The following DPF3 variants were observed in gnomAD, a reference collection of about 807,000 sequenced individuals.
DPF3 encodes the protein zinc finger protein DPF3.
In DPF3, 18 loss-of-function variants were observed where a neutral mutation model predicts 56.8. The observed-to-expected ratio is 0.32, with a 90% confidence interval of 0.22 to 0.47. The LOEUF (loss-of-function observed/expected upper bound fraction) is 0.47. Ranked by LOEUF, DPF3 falls within the 20% of genes least tolerant of loss-of-function variation. DPF3 has a pLI of 1.00. For missense variants in DPF3, 403 were observed against 488.8 expected, an observed-to-expected ratio of 0.82 and a Z score of 1.65; for synonymous variants, 188 against 180.2, an observed-to-expected ratio of 1.04 and a Z score of -0.35.
At chr14:72,667,742 C>A (rs945365587) in intron 8 of DPF3, among the ~76,000 whole-genome samples, 1 of 152,128 alleles carries the variant, frequency 6.6e-6, no homozygotes. Flanking sequence ...CTTACTCTTC[C>A]GTTGTTGAAA....
intron 4 of DPF3, among the ~76,000 whole-genome samples, chr14:72,727,799 T>A (rs1479452403): frequency 1.3e-5 from 2 of 152,192 alleles, no homozygotes; most frequent in African/African-American, 4.8e-5. Flanking sequence ...GAAGCCCTCA[T>A]GAAACTTTGG....
intron 8 of DPF3, among the ~76,000 whole-genome samples, chr14:72,651,145 G>A (rs1599328573): frequency 6.6e-6 from 1 of 152,210 alleles, no homozygotes; most frequent in Non-Finnish European, 1.5e-5. Flanking sequence ...CTGTAACCAG[G>A]TCTCCTAAGT....
chr14:72,769,909 G>A (rs1421414776), intron 2 of DPF3, among the ~76,000 whole-genome samples: 1 of 151,788 alleles, frequency 6.6e-6, no homozygotes, highest in African/African-American at 2.4e-5. Context: ...TAAATAGAGG[G>A]GAAAAAAGTC....
At chr14:72,747,904 A>C (rs112316176) in intron 3 of DPF3, among the ~76,000 whole-genome samples, 9,832 of 152,234 alleles carry the variant, frequency 0.065, 1,021 homozygotes, top group African/African-American at 0.22. Context: ...AGCCATGTGG[A>C]ACTGTAAGTC....
intron 1 of DPF3, among the ~76,000 whole-genome samples, chr14:72,794,687 T>G (rs541751631): frequency 6.6e-6 from 1 of 152,352 alleles, no homozygotes; most frequent in African/African-American, 2.4e-5. Flanking sequence ...AAGGGTGCTG[T>G]GTTGGTTTTC....
At position 72,610,639 on chromosome 14, in the gene DPF3, C is replaced by G. The variant is rs1367385801; in HGVS notation, c.*8658G>C. 6.6e-6 allele frequency among the ~76,000 whole-genome samples: 1 copy of G among 152,314 alleles called. No homozygotes were observed. The highest frequency in any genetic ancestry group is 2.1e-4 in the South Asian group (1 of 4,826). ...TGGCTTTTGTGAATCGACCGTGTGACGTAGACAGCACAGCATCAGGCCAGG... is the reference window on the plus strand; with the variant it reads ...TGGCTTTTGTGAATCGACCGTGTGAGGTAGACAGCACAGCATCAGGCCAGG... On this transcript the variant is annotated 3_prime_UTR_variant, in exon 11 of 11. Coordinates refer to ENST00000556509, the MANE Select transcript of DPF3 (RefSeq NM_001280542.3).
intron 4 of DPF3, among the ~76,000 whole-genome samples, chr14:72,729,076 C>T (rs1045113760): frequency 4.0e-5 from 6 of 151,828 alleles, no homozygotes; most frequent in African/African-American, 9.7e-5. Flanking sequence ...GGTGAATCCG[C>T]GTCTCTACTA....
chr14:72,790,217 T>A (rs1260375443), intron 1 of DPF3, among the ~76,000 whole-genome samples: 1 of 152,132 alleles, frequency 6.6e-6, no homozygotes, highest in South Asian at 2.1e-4. Flanking sequence ...CGAGACCCCA[T>A]CTCTTAAAAA....
intron 1 of DPF3, among the ~76,000 whole-genome samples, chr14:72,787,812 G>T (rs964412064): frequency 2.6e-5 from 4 of 152,194 alleles, no homozygotes; most frequent in Non-Finnish European, 5.9e-5. Flanking sequence ...CAAGAGGTGG[G>T]GTGCAGGTCC....
At chr14:72,776,495 A>C in intron 1 of DPF3, among the ~76,000 whole-genome samples, 1 of 152,120 alleles carries the variant, frequency 6.6e-6, no homozygotes, top group Non-Finnish European at 1.5e-5. Context: ...CCTTGAGCCT[A>C]TCTGTGGAGA....
At chr14:72,633,210 G>A (rs1008467106) in intron 8 of DPF3, among the ~76,000 whole-genome samples, 3 of 152,138 alleles carry the variant, frequency 2.0e-5, no homozygotes, top group Non-Finnish European at 4.4e-5. Context: ...TAGAGGAAGA[G>A]GATTCCTTCT....
intron 8 of DPF3, among the ~76,000 whole-genome samples, chr14:72,668,691 AC>A (rs1273405147): frequency 6.6e-6 from 1 of 151,582 alleles, no homozygotes; most frequent in Non-Finnish European, 1.5e-5. Flanking sequence ...AAAAAAAAAA[AC>A]ACCTCAAGTG....
At chr14:72,744,622 G>A (rs918992513) in intron 3 of DPF3, among the ~76,000 whole-genome samples, 7 of 152,016 alleles carry the variant, frequency 4.6e-5, no homozygotes, top group Admixed American at 3.3e-4. Context: ...ATTCTTGAAC[G>A]TGCACCCCCC....
At chr14:72,650,734 G>A (rs1169136391) in intron 8 of DPF3, among the ~76,000 whole-genome samples, 2 of 152,192 alleles carry the variant, frequency 1.3e-5, no homozygotes, top group East Asian at 3.9e-4. Flanking sequence ...GGTGGATGGA[G>A]CTAGGGGGTC....
At chr14:72,693,570 A>T (rs532523485) in intron 6 of DPF3, among the ~76,000 whole-genome samples, 95 of 152,320 alleles carry the variant, frequency 6.2e-4, no homozygotes, top group Non-Finnish European at 1.1e-3. Context: ...TCATTGTGAT[A>T]AGTTTATCTC....
At chr14:72,880,808 G>C (rs2140123634) in intron 1 of DPF3, among the ~76,000 whole-genome samples, 1 of 152,340 alleles carries the variant, frequency 6.6e-6, no homozygotes, top group East Asian at 1.9e-4. Flanking sequence ...CTCCAAAAGT[G>C]CTGGGATTAC....
At chr14:72,756,876 G>A (rs866666460) in intron 2 of DPF3, among the ~76,000 whole-genome samples, 1,585 of 66,312 alleles carry the variant, frequency 0.024, 13 homozygotes, top group Middle Eastern at 0.062. Context: ...AAGAAAGGAA[G>A]GAAAGAAGGA....
At chr14:72,817,284 T>C (rs916484995) in intron 1 of DPF3, among the ~76,000 whole-genome samples, 3 of 152,198 alleles carry the variant, frequency 2.0e-5, no homozygotes, top group African/African-American at 7.2e-5. Flanking sequence ...CACTATTTAA[T>C]TAGCTATGGG....
intron 1 of DPF3, among the ~76,000 whole-genome samples, chr14:72,820,154 A>C (rs1178316195): frequency 6.6e-6 from 1 of 152,236 alleles, no homozygotes; most frequent in Non-Finnish European, 1.5e-5. Context: ...ATTGAATGTA[A>C]ATTATACCAT....
Sources: gnomAD v4.1 joint callset for allele counts (sites outside exome capture counted in the v4.1 genomes callset) on GRCh38, gnomAD v4.1.1 for gene constraint, MANE v1.5 for transcripts, NCBI Gene and HGNC (gene_info 2026-07-23, HGNC 2026-07-21) for gene names.